HTR4: variants seen among roughly 807,000 people sequenced by gnomAD.
HTR4 encodes the protein 5-hydroxytryptamine receptor 4, also known as 5-hydroxytryptamine (serotonin) receptor 4, G protein-coupled.
A neutral mutation model predicts 36.8 loss-of-function variants in HTR4; 16 were observed. The ratio of observed to expected loss-of-function variants is 0.43; its 90% CI spans 0.29 to 0.66. The LOEUF is 0.66. Among genes scored for constraint, HTR4 ranks in the 30% least tolerant of loss-of-function variants. HTR4 has a pLI of 0.13. For missense variants in HTR4, 438 were observed against 490.9 expected (o/e 0.89, Z 1.02); for synonymous variants, 189 against 185.1 (o/e 1.02, Z -0.17).
intron 5 of HTR4, among the ~76,000 whole-genome samples, chr5:148,457,027 T>G (rs1265143487): frequency 6.6e-6 from 1 of 152,224 alleles, no homozygotes; most frequent in Non-Finnish European, 1.5e-5. Flanking sequence ...CTGTGATCAA[T>G]TAAGGTCACT....
At chr5:148,509,377 T>G (rs984340997) in intron 6 of HTR4, 79 bp downstream of exon 6, 15 of 1,112,322 alleles carry the variant, frequency 1.3e-5, no homozygotes, top group Non-Finnish European at 1.9e-5. Flanking sequence ...ATAACCCCTT[T>G]GGAAACAGAA....
intron 2 of HTR4, among the ~76,000 whole-genome samples, chr5:148,618,838 A>G (rs374647180): frequency 2.6e-5 from 4 of 152,242 alleles, no homozygotes; most frequent in Non-Finnish European, 5.9e-5. Context: ...GCCACTGTCA[A>G]TTTAATCCAA....
chr5:148,605,927 G>A (rs985988182), intron 2 of HTR4, among the ~76,000 whole-genome samples: 3 of 152,088 alleles, frequency 2.0e-5, no homozygotes, highest in African/African-American at 7.2e-5. Flanking sequence ...CAATTCTACA[G>A]ATCCTACTAT....
At chr5:148,473,660 G>T (rs1755627598), downstream of HTR4, among the ~76,000 whole-genome samples, 1 of 152,120 alleles carries the variant, frequency 6.6e-6, no homozygotes, top group Admixed American at 6.5e-5. Flanking sequence ...GAACAAAATT[G>T]ATTTATGTAT....
chr5:148,543,796 G>A (rs1183901266), intron 4 of HTR4, among the ~76,000 whole-genome samples: 4 of 152,102 alleles, frequency 2.6e-5, no homozygotes, highest in Non-Finnish European at 2.9e-5. Flanking sequence ...CAGGGAGGAG[G>A]TTAACCAAGA....
At chr5:148,597,363 A>G (rs1213645758) in intron 2 of HTR4, among the ~76,000 whole-genome samples, 1 of 152,212 alleles carries the variant, frequency 6.6e-6, no homozygotes, top group East Asian at 1.9e-4. Flanking sequence ...GGTCTTTTCC[A>G]AAGGGCAGTG....
intron 6 of HTR4, among the ~76,000 whole-genome samples, chr5:148,496,743 C>T (rs1389848683): frequency 6.6e-6 from 1 of 152,144 alleles, no homozygotes; most frequent in African/African-American, 2.4e-5. Flanking sequence ...ATGCCCATCA[C>T]CAGTGATGAC....
At chr5:148,583,611 C>CCATCATCATCAT (rs112185238) in intron 2 of HTR4, among the ~76,000 whole-genome samples, 8 of 147,884 alleles carry the variant, frequency 5.4e-5, no homozygotes, top group Non-Finnish European at 1.0e-4. Context: ...ATACTAATTG[C>CCATCATCATCAT]CATCATCATC....
At chr5:148,614,393 C>G (rs1752575080) in intron 2 of HTR4, among the ~76,000 whole-genome samples, 2 of 152,306 alleles carry the variant, frequency 1.3e-5, no homozygotes, top group South Asian at 4.1e-4. Context: ...CTACAACTAT[C>G]TGATCTTTGA....
chr5:148,516,629 T>C (rs1332586125), intron 5 of HTR4, among the ~76,000 whole-genome samples: 1 of 147,976 alleles, frequency 6.8e-6, no homozygotes, highest in East Asian at 2.0e-4. Context: ...AAAATTCCCT[T>C]TTTTTTTTTG....
intron 6 of HTR4, among the ~76,000 whole-genome samples, chr5:148,502,716 A>G (rs1404859575): frequency 6.6e-6 from 1 of 152,234 alleles, no homozygotes; most frequent in Non-Finnish European, 1.5e-5. Context: ...AGAAGTTTAA[A>G]CCCATCGCAA....
chr5:148,632,234 C>T (rs961315524), intron 2 of HTR4, among the ~76,000 whole-genome samples: 131 of 152,238 alleles, frequency 8.6e-4, no homozygotes, highest in African/African-American at 3.0e-3. Flanking sequence ...ACCTAGAGAT[C>T]TTCTACACTT....
intron 2 of HTR4, among the ~76,000 whole-genome samples, chr5:148,630,935 AC>A (rs1362866152): frequency 2.6e-5 from 4 of 152,160 alleles, no homozygotes; most frequent in Admixed American, 6.6e-5. Flanking sequence ...CATAAACCCT[AC>A]TTTTCCAGCA....
At chr5:148,610,240 G>A (rs1752364015) in intron 2 of HTR4, among the ~76,000 whole-genome samples, 1 of 152,296 alleles carries the variant, frequency 6.6e-6, no homozygotes, top group Non-Finnish European at 1.5e-5. Flanking sequence ...ACAGCTCCCA[G>A]CCTGAGCGAC....
At chr5:148,556,642 T>C (rs1310058487) in intron 2 of HTR4, among the ~76,000 whole-genome samples, 2 of 152,186 alleles carry the variant, frequency 1.3e-5, no homozygotes, top group Admixed American at 1.3e-4. Flanking sequence ...CCCAGTTCCA[T>C]TTCCCAAATG....
Position 148,553,588 on chromosome 5 carries a change from T to C in HTR4, c.27-3326A>G, listed in dbSNP as rs149235333. Among the ~76,000 whole-genome samples, 306 of 152,338 alleles carry C rather than the reference T, an allele frequency of 2.0e-3. 10 individuals carry two copies. In the East Asian group the frequency reaches 0.034, roughly 17 times the overall value. On this transcript the variant is annotated intron_variant, in intron 2 of 6. Transcript: ENST00000377888. ...ATAAGAGCCTTCTAACAATTAAAGA[T>C]GATCTGCAATAGCTTCCCGGTGTTG...
At chr5:148,486,441 C>T (rs529489287) in intron 6 of HTR4, among the ~76,000 whole-genome samples, 2 of 152,272 alleles carry the variant, frequency 1.3e-5, no homozygotes, top group African/African-American at 4.8e-5. Context: ...GTGTAGCAAC[C>T]AGAAGACAGG....
intron 2 of HTR4, among the ~76,000 whole-genome samples, chr5:148,588,733 G>A (rs1761446116): frequency 6.6e-6 from 1 of 150,514 alleles, no homozygotes; most frequent in African/African-American, 2.4e-5. Flanking sequence ...GTAGAGACGG[G>A]GTTTCACCTT....
At position 148,628,079 on chromosome 5, in the gene HTR4, C is replaced by T. The variant is rs969836935; in HGVS notation, c.26+8910G>A. On this transcript the variant is annotated intron_variant, in intron 2 of 6. Transcript: ENST00000377888. ...GGTAAATTCCAGAGTGCCCAGCTTC[C>T]CTAAAAGGATTTTAATCCATTTTTA... Among the ~76,000 whole-genome samples, 3 of 152,284 alleles carry T rather than the reference C, an allele frequency of 2.0e-5. No homozygotes were observed. The South Asian group carries it at 6.2e-4, about 32-fold the overall frequency.
Sources: gnomAD v4.1 joint callset for allele counts (sites outside exome capture counted in the v4.1 genomes callset) on GRCh38, gnomAD v4.1.1 for gene constraint, MANE v1.5 for transcripts, NCBI Gene and HGNC (gene_info 2026-07-23, HGNC 2026-07-21) for gene names.